ULK4: variants seen among roughly 807,000 people sequenced by gnomAD.
The protein encoded by ULK4 is unc-51 like kinase 4.
ULK4 carries 133 observed loss-of-function variants against 160.6 expected under a neutral mutation model. The ratio of observed to expected loss-of-function variants is 0.83; its 90% confidence interval spans 0.72 to 0.96. The LOEUF is 0.96. ULK4 is among the 40% of genes least tolerant of loss of function. The pLI is 0.00. For missense variants in ULK4, 1,580 were observed against 1,499.5 expected (o/e 1.05, Z -0.89); for synonymous variants, 534 against 539.8 (o/e 0.99, Z 0.15).
chr3:41,404,232 T>C (rs1271755081), intron 34 of ULK4, among the ~76,000 whole-genome samples: 2 of 151,588 alleles, frequency 1.3e-5, no homozygotes, highest in African/African-American at 4.8e-5. Flanking sequence ...TATCATTTTT[T>C]TTTTTTTTTT....
chr3:41,794,687 C>CA (rs2040252658), intron 20 of ULK4, among the ~76,000 whole-genome samples: 4 of 58,540 alleles, frequency 6.8e-5, no homozygotes, highest in Admixed American at 2.1e-4. Context: ...AAAAAAAAAA[C>CA]ACAGAAAAAA....
intron 30 of ULK4, among the ~76,000 whole-genome samples, chr3:41,637,954 C>T (rs9877678): frequency 0.44 from 66,414 of 151,878 alleles, 17,540 homozygotes; most frequent in African/African-American, 0.75. Flanking sequence ...ATCTGATGTA[C>T]GGTTTACAAA....
In ULK4 at chr3:41,366,548, T is replaced by TATACACACACAC. The variant is rs1553648975; in HGVS notation, c.3678+31530_3678+31531insGTGTGTGTGTAT. ...AACACCTGTATTTGGAAAATATGGC[T>TATACACACACAC]ACACACACACACACACACACACACA... On this transcript the variant is annotated intron_variant, in intron 35 of 36. Coordinates refer to ENST00000301831, the MANE Select transcript of ULK4 (RefSeq NM_017886.4). Among the ~76,000 whole-genome samples, 18 of 148,788 alleles carry TATACACACACAC rather than the reference T, an allele frequency of 1.2e-4. No homozygotes were observed. The East Asian group carries it at 2.4e-3, about 20-fold the overall frequency.
At chr3:41,804,701 G>A (rs1027012327) in intron 19 of ULK4, among the ~76,000 whole-genome samples, 12 of 152,192 alleles carry the variant, frequency 7.9e-5, no homozygotes, top group African/African-American at 2.9e-4. Context: ...TTCTACATAT[G>A]GCTAGCCAGT....
chr3:41,898,613 G>C (rs1277939481), intron 13 of ULK4, 121 bp from the exon 14 acceptor site: 2 of 595,748 alleles, frequency 3.4e-6, no homozygotes, highest in African/African-American at 1.9e-5. Context: ...TGCAAAATTT[G>C]TTACCAAAAA....
At chr3:41,712,495 T>C (rs1387144318) in intron 25 of ULK4, among the ~76,000 whole-genome samples, 1 of 152,228 alleles carries the variant, frequency 6.6e-6, no homozygotes. Flanking sequence ...CTTTAAAATA[T>C]GAAAGGACAA....
chr3:41,300,887 T>TATC (rs2079782590), intron 35 of ULK4, among the ~76,000 whole-genome samples: 1 of 87,234 alleles, frequency 1.1e-5, no homozygotes, highest in Non-Finnish European at 2.3e-5. Flanking sequence ...ATATATATAT[T>TATC]TGGTATCTTG....
chr3:41,582,689 C>T (rs1418558199), intron 31 of ULK4, among the ~76,000 whole-genome samples: 1 of 152,214 alleles, frequency 6.6e-6, no homozygotes, highest in Non-Finnish European at 1.5e-5. Flanking sequence ...GTTGGAAAGG[C>T]CAGCACCCTC....
At chr3:41,666,671 C>T (rs1001048220) in intron 29 of ULK4, among the ~76,000 whole-genome samples, 1 of 152,172 alleles carries the variant, frequency 6.6e-6, no homozygotes, top group Admixed American at 6.6e-5. Context: ...GACGGACCCA[C>T]AAGCCTATGA....
intron 30 of ULK4, among the ~76,000 whole-genome samples, chr3:41,618,460 G>A (rs1363419818): frequency 6.6e-6 from 1 of 152,130 alleles, no homozygotes; most frequent in African/African-American, 2.4e-5. Flanking sequence ...AGAGCGTGGG[G>A]GCCAACATTC....
intron 22 of ULK4, among the ~76,000 whole-genome samples, chr3:41,723,927 C>T (rs1034986970): frequency 7.2e-5 from 11 of 152,204 alleles, no homozygotes; most frequent in Admixed American, 7.2e-4. Flanking sequence ...ACTAAATAGC[C>T]CAAGAGAAAT....
intron 29 of ULK4, among the ~76,000 whole-genome samples, chr3:41,674,014 A>G (rs2035622420): frequency 1.3e-5 from 2 of 152,198 alleles, no homozygotes; most frequent in South Asian, 4.1e-4. Flanking sequence ...ATATATATTT[A>G]TGGAATGAAT....
chr3:41,427,285 A>G (rs2082798862), intron 34 of ULK4, among the ~76,000 whole-genome samples: 1 of 152,164 alleles, frequency 6.6e-6, no homozygotes, highest in Admixed American at 6.5e-5. Context: ...CCTACCAAAC[A>G]AAAAAAGCCC....
At chr3:41,780,366 A>G (rs2039795328) in intron 21 of ULK4, among the ~76,000 whole-genome samples, 1 of 150,766 alleles carries the variant, frequency 6.6e-6, no homozygotes, top group Admixed American at 6.6e-5. Flanking sequence ...ATATTAAAAT[A>G]TAAAAATTTA....
chr3:41,825,154 C>T (rs532593045), intron 18 of ULK4, among the ~76,000 whole-genome samples: 6 of 152,210 alleles, frequency 3.9e-5, no homozygotes, highest in African/African-American at 1.4e-4. Flanking sequence ...CACACCAAAA[C>T]CCCATCTGTA....
chr3:41,415,102 C>T (rs554065642), intron 34 of ULK4, among the ~76,000 whole-genome samples: 6 of 152,280 alleles, frequency 3.9e-5, no homozygotes, highest in African/African-American at 7.2e-5. Flanking sequence ...ACATTATGAA[C>T]GGACAGTTTC....
intron 32 of ULK4, among the ~76,000 whole-genome samples, chr3:41,480,251 G>C (rs1043394653): frequency 4.0e-5 from 6 of 149,404 alleles, no homozygotes; most frequent in Non-Finnish European, 8.9e-5. Context: ...ACAATGAGAA[G>C]TTCATGGACA....
At chr3:41,883,311 C>A (rs1697589734) in intron 17 of ULK4, among the ~76,000 whole-genome samples, 1 of 152,176 alleles carries the variant, frequency 6.6e-6, no homozygotes, top group Non-Finnish European at 1.5e-5. Flanking sequence ...TCTACAAAAT[C>A]CCCTCTCCTT....
intron 35 of ULK4, among the ~76,000 whole-genome samples, chr3:41,353,272 C>T (rs1358692901): frequency 6.6e-6 from 1 of 152,196 alleles, no homozygotes; most frequent in African/African-American, 2.4e-5. Flanking sequence ...TCACCAACTA[C>T]AGACCAGATT....
Sources: gnomAD v4.1 joint callset for allele counts (sites outside exome capture counted in the v4.1 genomes callset) on GRCh38, gnomAD v4.1.1 for gene constraint, MANE v1.5 for transcripts, NCBI Gene and HGNC (gene_info 2026-07-23, HGNC 2026-07-21) for gene names.